GTF2H3: variants seen among roughly 807,000 people sequenced by gnomAD.
GTF2H3 encodes the protein TFIIH basal transcription factor complex p34 subunit.
Under a neutral mutation model 51.1 loss-of-function variants are expected in GTF2H3, and 42 were observed. That is an observed-to-expected ratio of 0.82 (90% CI 0.64 to 1.06). The LOEUF is 1.06. GTF2H3 is among the 50% of genes least tolerant of loss of function. The pLI is 0.00. For missense variants in GTF2H3, 326 were observed against 366.1 expected (o/e 0.89, Z 0.89); for synonymous variants, 123 against 123.8 (o/e 0.99, Z 0.04).
chr12:123,637,152 ATGTC>A (rs1481197329), intron 1 of GTF2H3, among the ~76,000 whole-genome samples: 9 of 152,144 alleles, frequency 5.9e-5, no homozygotes, highest in Non-Finnish European at 1.0e-4. Context: ...ACAGGTTTGT[ATGTC>A]TGTCTGTCAC....
At position 123,659,878 on chromosome 12, in the gene GTF2H3, C is replaced by G. The variant is rs1459976034; in HGVS notation, c.768C>G (p.Phe256Leu). 4 of 1,613,968 alleles carry G rather than the reference C, an allele frequency of 2.5e-6. No individual in the cohort carries two copies. The African/African-American group carries it at 5.3e-5, about 22-fold the overall frequency. Residue 256 changes from phenylalanine (F) to leucine (L), a missense_variant, in exon 11 of 13, where the codon TTC becomes TTG. By Grantham distance (22) the Phe-to-Leu change is conservative (BLOSUM62 0). Coordinates refer to ENST00000543341, the MANE Select transcript of GTF2H3 (RefSeq NM_001516.5). ...PVHVDYRAAC[F>L]CHRNLIEIGY... ...ATGTTGACTACAGGGCTGCTTGCTTCTGTCATCGAAATCTCATTGAAATTG... is the reference window on the plus strand; with the variant it reads ...ATGTTGACTACAGGGCTGCTTGCTTGTGTCATCGAAATCTCATTGAAATTG...
In GTF2H3 at chr12:123,652,746, A is replaced by C. The variant is rs1431302708; in HGVS notation, c.486+11A>C. ...AAATCAAGGATATTGGTAAGATAAA[A>C]AAATCATTACTTTTTTATATGACAA... On this transcript the variant is annotated intron_variant, in intron 7 of 12. Transcript: ENST00000543341. 2 of 1,482,806 alleles carry C rather than the reference A, an allele frequency of 1.3e-6. No individual in the cohort carries two copies. Among genetic ancestry groups the C allele is most frequent in the African/African-American group, 2.9e-5 (2 of 70,092 alleles). 91.9% of individuals were successfully genotyped at this position (1,482,806 alleles called of 1,614,324 possible).
chr12:123,659,599 G>A lies in GTF2H3; in HGVS notation c.684+15G>A, dbSNP rs1955628966. 1.2e-6 allele frequency: 2 copies of A among 1,611,698 alleles called. No individual in the cohort carries two copies. The highest frequency in any genetic ancestry group is 1.7e-6 in the Non-Finnish European group (2 of 1,177,916). On this transcript the variant is annotated intron_variant, in intron 10 of 12. Transcript: ENST00000543341. ...AGTATTTGCTGGTAAGGAGACAGCA[G>A]CGGCGACCCTGATGCCTGGAGGGAA...
At chr12:123,648,188 T>C in intron 4 of GTF2H3, 62 bp downstream of exon 4, 1 of 1,125,916 alleles carries the variant, frequency 8.9e-7, no homozygotes, top group Non-Finnish European at 1.3e-6. Context: ...CCTTTAGGCT[T>C]TAAGTTCAAA....
At chr12:123,650,089 C>T (rs896486017) in intron 4 of GTF2H3, 2 of 152,228 alleles carry the variant, frequency 1.3e-5, no homozygotes, top group Non-Finnish European at 2.9e-5. Context: ...TAAGTCTCAG[C>T]TCAGCTTCAC....
chr12:123,648,386 A>G (rs756557274), intron 4 of GTF2H3: 15 of 264,024 alleles, frequency 5.7e-5, no homozygotes, highest in Non-Finnish European at 9.1e-5. Flanking sequence ...TTCTTGAAAC[A>G]TTATTTCATA....
At position 123,660,427 on chromosome 12, in the gene GTF2H3, T is replaced by A; in HGVS notation, c.*192T>A. 1 of 494,680 alleles carries A rather than the reference T, an allele frequency of 2.0e-6. No individual in the cohort carries two copies. The highest frequency in any genetic ancestry group is 3.6e-6 in the Non-Finnish European group (1 of 281,296). 30.6% of individuals were successfully genotyped at this position (494,680 alleles called of 1,614,324 possible). A position where few individuals can be genotyped will look rare whatever the true frequency, so the allele number is the denominator to read the frequency against. On this transcript the variant is annotated 3_prime_UTR_variant, in exon 13 of 13. Transcript: ENST00000543341. ...ACTGATTTGTTTGAGGGAATCATTC[T>A]ATGCATTATATCCTAAAATATTCTA... is the stretch of plus-strand genomic sequence containing the variant.
intron 9 of GTF2H3, among the ~76,000 whole-genome samples, chr12:123,657,461 C>A (rs1159216778): frequency 6.6e-6 from 1 of 152,224 alleles, no homozygotes; most frequent in African/African-American, 2.4e-5. Flanking sequence ...TTTCTGTTCT[C>A]TCTGCTCGCA....
intron 1 of GTF2H3, among the ~76,000 whole-genome samples, chr12:123,637,861 G>A (rs11057312): frequency 0.074 from 11,272 of 152,120 alleles, 590 homozygotes; most frequent in African/African-American, 0.14. Flanking sequence ...ATGAGTACGG[G>A]CCAAATTGAC....
chr12:123,656,656 TC>T (rs1955591255), intron 9 of GTF2H3, among the ~76,000 whole-genome samples: 1 of 152,284 alleles, frequency 6.6e-6, no homozygotes, highest in African/African-American at 2.4e-5. Flanking sequence ...CTCAGCCTCT[TC>T]CTGCTCCACT....
intron 2 of GTF2H3, among the ~76,000 whole-genome samples, chr12:123,640,302 A>C (rs1955350807): frequency 6.6e-6 from 1 of 150,848 alleles, no homozygotes. Context: ...ATGTAAATGG[A>C]ATCAAACAGG....
At chr12:123,645,593 G>T (rs1285600981) in intron 3 of GTF2H3, 32 bp downstream of exon 3, 4 of 1,097,238 alleles carry the variant, frequency 3.6e-6, no homozygotes, top group Non-Finnish European at 5.6e-6. Flanking sequence ...TTGCTCTTCA[G>T]TGCTTAATAT....
chr12:123,640,679 T>C (rs898269685), intron 2 of GTF2H3, among the ~76,000 whole-genome samples: 1 of 152,140 alleles, frequency 6.6e-6, no homozygotes, highest in African/African-American at 2.4e-5. Context: ...TTTTCCACTT[T>C]TAAATGGTTT....
chr12:123,643,020 C>T (rs1204443281), intron 2 of GTF2H3, among the ~76,000 whole-genome samples: 2 of 152,080 alleles, frequency 1.3e-5, no homozygotes, highest in African/African-American at 2.4e-5. Flanking sequence ...TACAGGCACA[C>T]GTCACCATGC....
At chr12:123,647,390 T>A (rs1236988870) in intron 3 of GTF2H3, among the ~76,000 whole-genome samples, 1 of 151,716 alleles carries the variant, frequency 6.6e-6, no homozygotes, top group Non-Finnish European at 1.5e-5. Flanking sequence ...GAGAATCACT[T>A]GAGCCCGGGA....
intron 2 of GTF2H3, chr12:123,640,104 C>T (rs962915731): frequency 5.3e-6 from 2 of 376,824 alleles, no homozygotes; most frequent in Admixed American, 5.5e-5. Flanking sequence ...ATGTGATCTG[C>T]CCGCTTTGGC....
intron 4 of GTF2H3, 98 bp downstream of exon 4, chr12:123,648,224 C>T: frequency 4.1e-6 from 3 of 736,620 alleles, no homozygotes; most frequent in Non-Finnish European, 6.6e-6. Context: ...ATGTTGTATG[C>T]CTGCACGTTC....
At chr12:123,649,223 C>T (rs1319310019) in intron 4 of GTF2H3, 1 of 152,242 alleles carries the variant, frequency 6.6e-6, no homozygotes, top group African/African-American at 2.4e-5. Flanking sequence ...CCAACTCGGC[C>T]TTCCAAAGGG....
chr12:123,655,064 A>G lies in GTF2H3; in HGVS notation c.561+66A>G, dbSNP rs145928966. On this transcript the variant is annotated intron_variant, in intron 8 of 12. Coordinates refer to ENST00000543341, the MANE Select transcript of GTF2H3 (RefSeq NM_001516.5). ...CGAAGGAGTCAATTTCATTTTTTGA[A>G]TGCTCTACTCTGAGGTATTCTGACT... 1.1e-4 allele frequency: 132 copies of G among 1,204,392 alleles called. No homozygotes were observed. In the East Asian group the frequency reaches 2.3e-3, roughly 21 times the overall value. The allele number at this position is 1,204,392 out of a possible 1,614,324, so 74.6% of individuals were successfully genotyped here.
Sources: gnomAD v4.1 joint callset for allele counts (sites outside exome capture counted in the v4.1 genomes callset) on GRCh38, gnomAD v4.1.1 for gene constraint, MANE v1.5 for transcripts, NCBI Gene and HGNC (gene_info 2026-07-23, HGNC 2026-07-21) for gene names.